SLC5A4: variants seen among roughly 807,000 people sequenced by gnomAD.
SLC5A4 encodes the protein probable glucose sensor protein SLC5A4.
In SLC5A4, 55 loss-of-function variants were observed where a neutral mutation model predicts 70.3. The ratio of observed to expected loss-of-function variants is 0.78; its 90% CI spans 0.63 to 0.98. The LOEUF (loss-of-function observed/expected upper bound fraction) is 0.98. Among genes scored for constraint, SLC5A4 ranks in the 50% least tolerant of loss-of-function variants. The probability of loss-of-function intolerance (pLI) is 0.00; values close to 1 mark genes in which losing one functional copy is unlikely to be tolerated. For missense variants in SLC5A4, 735 were observed against 839.2 expected, an observed-to-expected ratio of 0.88 and a Z score of 1.53; for synonymous variants, 268 against 305.7, an observed-to-expected ratio of 0.88 and a Z score of 1.29.
At chr22:32,341,046 A>G in the SLC5A4 span, among the ~76,000 whole-genome samples, 1 of 152,060 alleles carries the variant, frequency 6.6e-6, no homozygotes, top group Non-Finnish European at 1.5e-5. Flanking sequence ...GGAAAGAAAG[A>G]GAGGAGCCAA....
upstream of SLC5A4, among the ~76,000 whole-genome samples, chr22:32,259,669 CTT>C (rs1927658987): frequency 6.6e-6 from 1 of 152,040 alleles, no homozygotes. Flanking sequence ...CTTGCAGTGT[CTT>C]TGTCTCTTTT....
the SLC5A4 span, among the ~76,000 whole-genome samples, chr22:32,291,557 T>G: frequency 1.1e-4 from 17 of 152,206 alleles, 1 homozygote. Context: ...TGGGGAAAAT[T>G]GACACATTTA....
At chr22:32,307,791 C>T in the SLC5A4 span, among the ~76,000 whole-genome samples, 1 of 152,212 alleles carries the variant, frequency 6.6e-6, no homozygotes, top group Non-Finnish European at 1.5e-5. Context: ...GTGATGTACT[C>T]CTGGACTGCA....
chr22:32,245,766 G>T (rs1926783152), intron 5 of SLC5A4, among the ~76,000 whole-genome samples: 1 of 152,162 alleles, frequency 6.6e-6, no homozygotes, highest in African/African-American at 2.4e-5. Flanking sequence ...TGATCTGCCT[G>T]CCTCGGCCTC....
At chr22:32,287,915 A>G in the SLC5A4 span, among the ~76,000 whole-genome samples, 3 of 151,280 alleles carry the variant, frequency 2.0e-5, no homozygotes, top group Admixed American at 6.6e-5. Context: ...GGAAAGGAAT[A>G]TGTCTCTTCT....
At chr22:32,307,144 G>C in the SLC5A4 span, among the ~76,000 whole-genome samples, 2 of 130,016 alleles carry the variant, frequency 1.5e-5, no homozygotes, top group Non-Finnish European at 3.3e-5. Context: ...TTATGGTACA[G>C]TGTCGTGAAT....
At chr22:32,270,153 G>A in the SLC5A4 span, 21 of 621,698 alleles carry the variant, frequency 3.4e-5, no homozygotes, top group African/African-American at 1.4e-4. Flanking sequence ...TGAAGTGTAC[G>A]GCAGCGACGC....
At chr22:32,307,500 G>T in the SLC5A4 span, among the ~76,000 whole-genome samples, 10 of 152,240 alleles carry the variant, frequency 6.6e-5, no homozygotes, top group Admixed American at 2.0e-4. Flanking sequence ...TACAGGGCCA[G>T]GCAAGTGGCA....
the SLC5A4 span, among the ~76,000 whole-genome samples, chr22:32,275,534 A>G: frequency 6.6e-6 from 1 of 152,212 alleles, no homozygotes; most frequent in African/African-American, 2.4e-5. Context: ...ACGTCCCTAC[A>G]AAGGACATGA....
Position 32,224,282 on chromosome 22 carries a change from G to A in SLC5A4, c.1650C>T (p.Pro550=). 1 of 1,611,996 alleles carries A rather than the reference G, an allele frequency of 6.2e-7. No individual in the cohort carries two copies. Among genetic ancestry groups the A allele is most frequent in the Non-Finnish European group, 8.5e-7 (1 of 1,178,156 alleles). Residue 550 remains proline (P), a synonymous_variant, in exon 13 of 15, where the codon CCC becomes CCT. Coordinates refer to ENST00000266086, the MANE Select transcript of SLC5A4 (RefSeq NM_014227.3). ...CATCACTCACATGTACATCAGGAAT[G>A]GGTTTTGTTAAGAGGGAAATTCCCA... ...VTLGISLLTK[P]IPDVHLYRLC...
intron 5 of SLC5A4, among the ~76,000 whole-genome samples, chr22:32,240,211 C>T (rs1269131712): frequency 6.6e-6 from 1 of 151,948 alleles, no homozygotes; most frequent in African/African-American, 2.4e-5. Flanking sequence ...GCAGACTGTG[C>T]TGTAAAAGCA....
the SLC5A4 span, chr22:32,272,794 C>A: frequency 2.0e-6 from 1 of 510,586 alleles, no homozygotes; most frequent in Non-Finnish European, 3.8e-6. Flanking sequence ...GGAGAATAAG[C>A]ATATCGCGTG....
the SLC5A4 span, among the ~76,000 whole-genome samples, chr22:32,306,284 T>G: frequency 6.6e-6 from 1 of 150,410 alleles, no homozygotes; most frequent in African/African-American, 2.5e-5. Context: ...GCTAACACGG[T>G]GAAACCCTAT....
chr22:32,347,908 A>C, the SLC5A4 span, among the ~76,000 whole-genome samples: 2,329 of 143,134 alleles, frequency 0.016, 78 homozygotes, highest in African/African-American at 0.064. Flanking sequence ...ATTACCCACA[A>C]AAAAAAAATC....
At chr22:32,287,401 C>T in the SLC5A4 span, among the ~76,000 whole-genome samples, 10 of 152,176 alleles carry the variant, frequency 6.6e-5, no homozygotes, top group African/African-American at 2.4e-4. Context: ...TGAGCTTTCA[C>T]AATGTCTACT....
the SLC5A4 span, among the ~76,000 whole-genome samples, chr22:32,320,998 AC>A: frequency 7.2e-5 from 11 of 152,314 alleles, no homozygotes; most frequent in African/African-American, 2.6e-4. Flanking sequence ...TTTTTAAGAA[AC>A]GTTTAAGGCC....
At position 32,247,806 on chromosome 22, in the gene SLC5A4, G is replaced by A. The variant is rs538844138; in HGVS notation, c.373-291C>T. On this transcript the variant is annotated intron_variant, in intron 4 of 14. Coordinates refer to ENST00000266086, the MANE Select transcript of SLC5A4 (RefSeq NM_014227.3). The stretch of plus-strand genomic sequence containing the variant: ...ATCTCACTTTCCCACTGCCGGTTGG[G>A]TGTCTCCACCTTAGTGCCTTGAATG... Among the ~76,000 whole-genome samples, 16 of 152,282 alleles carry A rather than the reference G, an allele frequency of 1.1e-4. No individual in the cohort carries two copies. The South Asian group carries it at 3.3e-3, about 32-fold the overall frequency.
the SLC5A4 span, among the ~76,000 whole-genome samples, chr22:32,274,291 C>T: frequency 6.6e-6 from 1 of 152,286 alleles, no homozygotes; most frequent in East Asian, 1.9e-4. Context: ...CCTCCCGCCT[C>T]AGCCTCCTAA....
chr22:32,276,305 G>A, the SLC5A4 span, among the ~76,000 whole-genome samples: 1 of 152,188 alleles, frequency 6.6e-6, no homozygotes, highest in African/African-American at 2.4e-5. Flanking sequence ...ATCAATGAAT[G>A]TCATCACAGG....
Sources: allele counts gnomAD v4.1 joint callset (sites outside exome capture counted in the v4.1 genomes callset), GRCh38; gene constraint gnomAD v4.1.1; transcripts MANE v1.5; gene names NCBI Gene and HGNC (gene_info 2026-07-23, HGNC 2026-07-21).